The following UTP4 variants were observed in gnomAD, a reference collection of about 807,000 sequenced individuals.
UTP4 encodes the protein U3 small nucleolar RNA-associated protein 4 homolog.
A neutral mutation model predicts 82.4 loss-of-function variants in UTP4; 45 were observed. The observed-to-expected ratio is 0.55, with a 90% CI of 0.43 to 0.70. The LOEUF (loss-of-function observed/expected upper bound fraction) is 0.70. UTP4 is among the 30% of genes least tolerant of loss of function. The probability of loss-of-function intolerance (pLI) is 0.00; values close to 1 mark genes in which losing one functional copy is unlikely to be tolerated. For synonymous variants in UTP4, 348 were observed against 300.3 expected (o/e 1.16, Z -1.64); for missense variants, 819 against 858.3 (o/e 0.95, Z 0.57).
At chr16:69,154,885 C>T (rs1234321951) in intron 10 of UTP4, among the ~76,000 whole-genome samples, 2 of 152,090 alleles carry the variant, frequency 1.3e-5, no homozygotes, top group South Asian at 2.1e-4. Context: ...TGCGCCACCA[C>T]GCCCGGCTAA....
chr16:69,157,874 T>G (rs1963460986), intron 12 of UTP4, among the ~76,000 whole-genome samples: 1 of 120,660 alleles, frequency 8.3e-6, no homozygotes, highest in East Asian at 2.0e-4. Flanking sequence ...ATTATAGGCA[T>G]GAGCCACTGT....
At chr16:69,144,595 G>A (rs986737720) in intron 6 of UTP4, among the ~76,000 whole-genome samples, 2 of 152,176 alleles carry the variant, frequency 1.3e-5, no homozygotes, top group Non-Finnish European at 2.9e-5. Flanking sequence ...TTTATTTGTT[G>A]ACCAGCTCCT....
chr16:69,133,445 T>C lies in UTP4; in HGVS notation c.-2-13T>C. 13 of 1,613,938 alleles carry C rather than the reference T, an allele frequency of 8.1e-6. No individual in the cohort carries two copies. The highest frequency in any genetic ancestry group is 1.0e-5 in the Non-Finnish European group (12 of 1,179,836). Reference sequence around the variant, plus strand: ...TAACATATAGCAATAATGACTCTCTTTTCGCCCCCTAGGAATGGGTGAATT... The same window carrying C: ...TAACATATAGCAATAATGACTCTCTCTTCGCCCCCTAGGAATGGGTGAATT... On this transcript the variant is annotated splice_polypyrimidine_tract_variant and intron_variant, in intron 1 of 16. Transcript: ENST00000314423.
chr16:69,134,764 G>GTGATCT (rs1555535351), intron 2 of UTP4, among the ~76,000 whole-genome samples: 1 of 146,780 alleles, frequency 6.8e-6, no homozygotes, highest in Non-Finnish European at 1.5e-5. Flanking sequence ...GTGCAGTGGC[G>GTGATCT]TGATCTTGGC....
At position 69,133,562 on chromosome 16, in the gene UTP4, C is replaced by T; in HGVS notation, c.103C>T (p.Arg35Ter). Reference sequence around the variant, plus strand: ...CCAGTCAAACAGATTGGCTGTTTCACGAACAGATGGCACTGTGGAAATTTA... The same window carrying T: ...CCAGTCAAACAGATTGGCTGTTTCATGAACAGATGGCACTGTGGAAATTTA... ...NNQSNRLAVS[R>*]TDGTVEIYNL... is the part of the protein sequence containing the mutation. Residue 35 changes from arginine (R) to a stop codon, truncating the protein, a stop_gained, in exon 2 of 17, where the codon CGA (arginine) becomes TGA (stop). Coordinates refer to ENST00000314423, the MANE Select transcript of UTP4 (RefSeq NM_032830.3). LOFTEE classifies it high-confidence loss of function. 1.9e-6 allele frequency: 3 copies of T among 1,614,112 alleles called. No homozygotes were observed. Among genetic ancestry groups the T allele is most frequent in the Non-Finnish European group, 2.5e-6 (3 of 1,179,992 alleles).
chr16:69,167,538 C>G (rs1963731651), intron 16 of UTP4: 2 of 272,668 alleles, frequency 7.3e-6, no homozygotes, highest in South Asian at 4.1e-5. Flanking sequence ...TAGCTCATAC[C>G]TGTAATCCCA....
intron 13 of UTP4, among the ~76,000 whole-genome samples, chr16:69,162,391 C>T (rs1223456959): frequency 2.0e-5 from 3 of 151,920 alleles, no homozygotes; most frequent in African/African-American, 7.2e-5. Context: ...GCCCGGCCAA[C>T]ATAGTGAGAC....
chr16:69,163,641 T>C (rs74476093), intron 14 of UTP4, among the ~76,000 whole-genome samples: 3,016 of 151,944 alleles, frequency 0.02, 27 homozygotes, highest in Non-Finnish European at 0.026. Context: ...TCTACTTTTT[T>C]CTATACCAAT....
intron 13 of UTP4, among the ~76,000 whole-genome samples, chr16:69,161,385 A>G (rs936059582): frequency 5.3e-5 from 8 of 152,260 alleles, no homozygotes; most frequent in East Asian, 3.8e-4. Flanking sequence ...TGTTAACTGC[A>G]TAGTGTAACC....
intron 6 of UTP4, among the ~76,000 whole-genome samples, chr16:69,145,074 G>A (rs541853406): frequency 6.6e-5 from 10 of 151,704 alleles, no homozygotes; most frequent in East Asian, 3.9e-4. Flanking sequence ...CCCGGGAGTC[G>A]GAGGTTGCAG....
At chr16:69,136,563 G>C in intron 2 of UTP4, 133 bp from the exon 3 acceptor site, 1 of 845,622 alleles carries the variant, frequency 1.2e-6, no homozygotes, top group South Asian at 1.3e-5. Context: ...ATGTCATTAG[G>C]CATGATCTGA....
At chr16:69,151,027 GAC>G (rs1453140858) in intron 8 of UTP4, 123 bp downstream of exon 8, 9 of 746,980 alleles carry the variant, frequency 1.2e-5, no homozygotes, top group Non-Finnish European at 1.8e-5. Flanking sequence ...TTTTTTTTGA[GAC>G]AGAGTTTGCT....
chr16:69,157,248 T>A lies in UTP4; in HGVS notation c.1444+8T>A. 6.2e-7 allele frequency: 1 copy of A among 1,613,866 alleles called. No individual in the cohort carries two copies. ...CTTTCCAGCCTCAGTCAGGTGGGAA[T>A]CTGGTAACTGGCCATGGGGAGACTT... On this transcript the variant is annotated splice_region_variant and intron_variant, in intron 12 of 16. Transcript: ENST00000314423.
rs778329470 is a variant in UTP4 at position 69,153,668 on chromosome 16, A to G, written c.1087A>G (p.Thr363Ala). The G allele has an allele frequency of 1.1e-5, 18 of 1,610,520 alleles. No individual in the cohort carries two copies. The highest frequency in any genetic ancestry group is 9.4e-5 in the African/African-American group (7 of 74,844). ...HHLELWRLGS[T>A]VATGKNGDTL... ...CTTAGAACTTTGGCGACTGGGATCC[A>G]CAGTTGCAACAGGTAAGATGGGAGC... Residue 363 changes from threonine (T) to alanine (A), a missense_variant, in exon 9 of 17, where the codon ACA (threonine) becomes GCA (alanine). By Grantham distance (58) the Thr-to-Ala change is moderately conservative. Coordinates refer to ENST00000314423, the MANE Select transcript of UTP4 (RefSeq NM_032830.3).
In UTP4 at chr16:69,167,095, C is replaced by G; in HGVS notation, c.1854C>G (p.Thr618=). 1.2e-6 allele frequency: 2 copies of G among 1,613,648 alleles called. No homozygotes were observed. Among genetic ancestry groups the G allele is most frequent in the South Asian group, 2.2e-5 (2 of 91,070 alleles). The change falls in exon 16 of 17, where the codon ACC becomes ACG. Residue 618 remains threonine, a synonymous_variant. Transcript: ENST00000314423. ...DKSLPLPNDK[T]LLYNPFPPTN... is the part of the protein sequence containing the mutation. ...TTTAGCCCCTTCCAAATGACAAAACCTTACTCTACAATCCATTTCCTCCCA... is the reference window on the plus strand; with the variant it reads ...TTTAGCCCCTTCCAAATGACAAAACGTTACTCTACAATCCATTTCCTCCCA...
chr16:69,154,850 C>T (rs1963368904), intron 10 of UTP4, among the ~76,000 whole-genome samples: 1 of 151,890 alleles, frequency 6.6e-6, no homozygotes, highest in East Asian at 1.9e-4. Flanking sequence ...TGCTTTAGCC[C>T]CCCAAGTAGC....
At chr16:69,137,553 C>T (rs1015463055) in intron 3 of UTP4, among the ~76,000 whole-genome samples, 1 of 152,268 alleles carries the variant, frequency 6.6e-6, no homozygotes, top group Non-Finnish European at 1.5e-5. Flanking sequence ...AGGAATGGGG[C>T]CACTAATTAG....
At chr16:69,155,741 C>T (rs530430367) in intron 10 of UTP4, 130 bp from the exon 11 acceptor site, 32 of 979,150 alleles carry the variant, frequency 3.3e-5, no homozygotes, top group South Asian at 2.0e-4. Flanking sequence ...GCAGACCACA[C>T]GAGGATCGAG....
intron 12 of UTP4, among the ~76,000 whole-genome samples, chr16:69,159,613 G>T (rs539595724): frequency 9.2e-5 from 14 of 152,086 alleles, no homozygotes; most frequent in Admixed American, 9.2e-4. Flanking sequence ...GCTTGAACCC[G>T]AGAGGCAGAG....
Sources: allele counts gnomAD v4.1 joint callset (sites outside exome capture counted in the v4.1 genomes callset), GRCh38; gene constraint gnomAD v4.1.1; transcripts MANE v1.5; gene names NCBI Gene and HGNC (gene_info 2026-07-23, HGNC 2026-07-21).